Variants in SH3GL2 observed in about 807,000 individuals in gnomAD.
SH3GL2 encodes endophilin-A1.
In SH3GL2, 24 loss-of-function variants were observed where a neutral mutation model predicts 46.0. The observed-to-expected ratio is 0.52, with a 90% CI of 0.38 to 0.73. SH3GL2 has a LOEUF of 0.73. Among genes scored for constraint, SH3GL2 ranks in the 30% least tolerant of loss-of-function variants. The pLI is 0.00. For missense variants in SH3GL2, 413 were observed against 424.2 expected (o/e 0.97, Z 0.23); for synonymous variants, 196 against 147.1 (o/e 1.33, Z -2.40).
At chr9:17,746,540 T>G (rs990664994) in intron 1 of SH3GL2, among the ~76,000 whole-genome samples, 4 of 152,186 alleles carry the variant, frequency 2.6e-5, no homozygotes, top group African/African-American at 7.2e-5. Context: ...GTAGACAGCT[T>G]TATGAGACAG....
At chr9:17,724,406 G>T (rs1226070625) in intron 1 of SH3GL2, among the ~76,000 whole-genome samples, 1 of 152,158 alleles carries the variant, frequency 6.6e-6, no homozygotes, top group East Asian at 1.9e-4. Flanking sequence ...ACTTCCGTAG[G>T]CATGGTTTTC....
At chr9:17,767,271 T>A (rs1437939915) in intron 3 of SH3GL2, among the ~76,000 whole-genome samples, 2 of 152,254 alleles carry the variant, frequency 1.3e-5, no homozygotes, top group Non-Finnish European at 2.9e-5. Context: ...TATTTAGAAT[T>A]TTTTAATAAT....
chr9:17,697,744 G>A (rs1821244177), intron 1 of SH3GL2, among the ~76,000 whole-genome samples: 1 of 152,172 alleles, frequency 6.6e-6, no homozygotes, highest in East Asian at 1.9e-4. Flanking sequence ...AATGCACCAA[G>A]GAATATTTAA....
chr9:17,638,713 C>G (rs957716619), intron 1 of SH3GL2, among the ~76,000 whole-genome samples: 10 of 152,234 alleles, frequency 6.6e-5, no homozygotes, highest in African/African-American at 2.4e-4. Flanking sequence ...TTACCCTGCC[C>G]TTGGAGCTAA....
intron 1 of SH3GL2, among the ~76,000 whole-genome samples, chr9:17,732,944 G>T (rs888445401): frequency 2.6e-5 from 4 of 152,212 alleles, no homozygotes; most frequent in African/African-American, 9.6e-5. Context: ...CTGGGTTTCA[G>T]TCCTCTCTCT....
intron 1 of SH3GL2, among the ~76,000 whole-genome samples, chr9:17,624,917 G>T (rs568231919): frequency 3.3e-5 from 5 of 152,274 alleles, no homozygotes; most frequent in Admixed American, 2.6e-4. Context: ...GGAAATGTTG[G>T]GGTACTGAGG....
intron 1 of SH3GL2, among the ~76,000 whole-genome samples, chr9:17,666,311 T>A (rs1820339580): frequency 6.6e-6 from 1 of 152,066 alleles, no homozygotes; most frequent in South Asian, 2.1e-4. Flanking sequence ...TTGTTGATTT[T>A]ATTTATTTGG....
intron 1 of SH3GL2, among the ~76,000 whole-genome samples, chr9:17,622,868 G>C (rs1313853777): frequency 6.6e-6 from 1 of 152,120 alleles, no homozygotes; most frequent in Non-Finnish European, 1.5e-5. Flanking sequence ...CCAATCCTCT[G>C]CCGCAGTTTT....
At chr9:17,675,801 T>A (rs1820593702) in intron 1 of SH3GL2, among the ~76,000 whole-genome samples, 1 of 152,102 alleles carries the variant, frequency 6.6e-6, no homozygotes, top group African/African-American at 2.4e-5. Flanking sequence ...AAAAATTAGC[T>A]GGGTGTGGTG....
In SH3GL2 at chr9:17,789,536, C is replaced by T. The variant is rs138259584; in HGVS notation, c.610C>T (p.Leu204Phe). 33 of 1,613,264 alleles carry T rather than the reference C, an allele frequency of 2.0e-5. No homozygotes were observed. The highest frequency in any genetic ancestry group is 2.7e-5 in the Non-Finnish European group (32 of 1,179,510). ...AATTGCTGAGTCAAGCATGTTCAATCTCTTGGAGATGGATGTAAGTGACTC... is the reference window on the plus strand; with the variant it reads ...AATTGCTGAGTCAAGCATGTTCAATTTCTTGGAGATGGATGTAAGTGACTC... ...KEIAESSMFN[L>F]LEMDIEQVSQ... The change falls in exon 6 of 9, where the codon CTC becomes TTC. Residue 204 changes from leucine to phenylalanine, a missense_variant. Leu to Phe is a conservative substitution (Grantham distance 22). Coordinates refer to ENST00000380607, the MANE Select transcript of SH3GL2 (RefSeq NM_003026.5).
At chr9:17,738,065 T>A (rs1171308783) in intron 1 of SH3GL2, among the ~76,000 whole-genome samples, 1 of 152,146 alleles carries the variant, frequency 6.6e-6, no homozygotes, top group Admixed American at 6.6e-5. Flanking sequence ...ATTGAAATGA[T>A]TTGTTTATAT....
At chr9:17,591,676 TC>T (rs1818483940) in intron 1 of SH3GL2, among the ~76,000 whole-genome samples, 1 of 152,186 alleles carries the variant, frequency 6.6e-6, no homozygotes, top group Admixed American at 6.5e-5. Context: ...TTTTCACAGT[TC>T]CTTTTCGGGT....
chr9:17,714,318 C>G (rs1486083806), intron 1 of SH3GL2, among the ~76,000 whole-genome samples: 2 of 151,688 alleles, frequency 1.3e-5, no homozygotes, highest in East Asian at 1.9e-4. Flanking sequence ...ATCTGAAAAT[C>G]TCTGCCTTTT....
intron 2 of SH3GL2, among the ~76,000 whole-genome samples, chr9:17,747,479 A>G (rs1176996776): frequency 1.3e-5 from 2 of 151,972 alleles, no homozygotes; most frequent in Non-Finnish European, 2.9e-5. Context: ...GACATCCCAA[A>G]TGTTTTTGGG....
intron 3 of SH3GL2, among the ~76,000 whole-genome samples, chr9:17,777,655 A>G (rs1028309206): frequency 6.6e-6 from 1 of 152,052 alleles, no homozygotes; most frequent in African/African-American, 2.4e-5. Context: ...CCTTCTCACT[A>G]TGTCCTCATG....
In SH3GL2 at chr9:17,579,191, C is replaced by G; in HGVS notation, c.-52C>G. 2 of 1,407,468 alleles carry G rather than the reference C, an allele frequency of 1.4e-6. No homozygotes were observed. The highest frequency in any genetic ancestry group is 2.2e-5 in the Admixed American group (1 of 45,426). The allele number at this position is 1,407,468 out of a possible 1,614,324, so 87.2% of individuals were successfully genotyped here. A position where few individuals can be genotyped will look rare whatever the true frequency, so the allele number is the denominator to read the frequency against. Reference sequence around the variant, plus strand: ...GCCGCCCCGCTCGGCCCTCCAGTCCCCCTCCGCCTCCTCCCTCCCGCACAG... The same window carrying G: ...GCCGCCCCGCTCGGCCCTCCAGTCCGCCTCCGCCTCCTCCCTCCCGCACAG... On this transcript the variant is annotated 5_prime_UTR_variant, in exon 1 of 9. Transcript: ENST00000380607.
At chr9:17,735,095 G>C (rs763615955) in intron 1 of SH3GL2, among the ~76,000 whole-genome samples, 24 of 152,204 alleles carry the variant, frequency 1.6e-4, no homozygotes, top group Admixed American at 2.6e-4. Context: ...ATCATGAGAA[G>C]GGGTAACCAG....
chr9:17,792,823 C>G (rs1189338382), intron 7 of SH3GL2, among the ~76,000 whole-genome samples: 1 of 152,228 alleles, frequency 6.6e-6, no homozygotes, highest in Non-Finnish European at 1.5e-5. Context: ...GTAGATATCT[C>G]TGACAGTGCT....
chr9:17,695,226 A>T (rs954067001), intron 1 of SH3GL2, among the ~76,000 whole-genome samples: 1 of 152,144 alleles, frequency 6.6e-6, no homozygotes, highest in Admixed American at 6.6e-5. Flanking sequence ...GAAATATCTT[A>T]TCAAGATATT....
Sources: gnomAD v4.1 joint callset for allele counts (sites outside exome capture counted in the v4.1 genomes callset) on GRCh38, gnomAD v4.1.1 for gene constraint, MANE v1.5 for transcripts, NCBI Gene and HGNC (gene_info 2026-07-23, HGNC 2026-07-21) for gene names.